Variants in GPD2 observed in about 807,000 individuals in gnomAD.
GPD2 encodes glycerol-3-phosphate dehydrogenase 2.
A neutral mutation model predicts 82.4 loss-of-function variants in GPD2; 54 were observed. The ratio of observed to expected loss-of-function variants is 0.66; its 90% confidence interval spans 0.53 to 0.82. The LOEUF (loss-of-function observed/expected upper bound fraction) is 0.82, where lower values mean the gene tolerates loss of function less well. Among genes scored for constraint, GPD2 ranks in the 40% least tolerant of loss-of-function variants. The probability of loss-of-function intolerance (pLI) is 0.00; values close to 1 mark genes in which losing one functional copy is unlikely to be tolerated. For synonymous variants in GPD2, 288 were observed against 306.1 expected, an observed-to-expected ratio of 0.94 and a Z score of 0.62; for missense variants, 748 against 896.2, an observed-to-expected ratio of 0.83 and a Z score of 2.11.
At chr2:156,556,590 T>A (rs1686969031) in intron 8 of GPD2, among the ~76,000 whole-genome samples, 1 of 152,328 alleles carries the variant, frequency 6.6e-6, no homozygotes, top group East Asian at 1.9e-4. Flanking sequence ...GACTATCGTT[T>A]TGGGAGATTT....
At chr2:156,497,193 T>A (rs1684417401) in intron 3 of GPD2, among the ~76,000 whole-genome samples, 1 of 152,202 alleles carries the variant, frequency 6.6e-6, no homozygotes, top group Non-Finnish European at 1.5e-5. Context: ...AGCACTTAAT[T>A]TGTCTAAGGT....
At chr2:156,544,998 G>A (rs1049239371) in intron 6 of GPD2, among the ~76,000 whole-genome samples, 11 of 152,196 alleles carry the variant, frequency 7.2e-5, no homozygotes, top group African/African-American at 2.7e-4. Flanking sequence ...ACCATGAAGA[G>A]TGGGTTCTTA....
intron 9 of GPD2, among the ~76,000 whole-genome samples, chr2:156,561,117 G>A (rs750222629): frequency 1.6e-5 from 2 of 127,790 alleles, no homozygotes; most frequent in South Asian, 2.5e-4. Flanking sequence ...GTGTGATCTC[G>A]GCTCACTGCA....
intron 9 of GPD2, among the ~76,000 whole-genome samples, chr2:156,560,211 G>A (rs757473121): frequency 1.3e-5 from 2 of 152,176 alleles, no homozygotes; most frequent in African/African-American, 4.8e-5. Flanking sequence ...TGTGGGTGGG[G>A]ATCTCTACCC....
chr2:156,524,279 A>G (rs1685526345), intron 6 of GPD2, among the ~76,000 whole-genome samples: 1 of 152,110 alleles, frequency 6.6e-6, no homozygotes, highest in Admixed American at 6.5e-5. Flanking sequence ...TGTCTCATTA[A>G]TCTGTTGCTG....
At chr2:156,443,256 T>C (rs1682239975) in intron 1 of GPD2, among the ~76,000 whole-genome samples, 2 of 152,242 alleles carry the variant, frequency 1.3e-5, no homozygotes, top group Admixed American at 6.5e-5. Context: ...AATTCCCTTA[T>C]AGATGCTTGT....
intron 1 of GPD2, among the ~76,000 whole-genome samples, chr2:156,444,035 T>C (rs1212380353): frequency 2.0e-5 from 3 of 152,212 alleles, no homozygotes; most frequent in East Asian, 3.9e-4. Context: ...CTTTGGTCAC[T>C]GTCTGGACCT....
chr2:156,536,700 C>G (rs1269567034), intron 6 of GPD2, among the ~76,000 whole-genome samples: 1 of 152,228 alleles, frequency 6.6e-6, no homozygotes, highest in Admixed American at 6.5e-5. Flanking sequence ...GGCTCAAGAT[C>G]TAGCCTGTCT....
chr2:156,581,917 A>C (rs766238808), intron 16 of GPD2, among the ~76,000 whole-genome samples: 4 of 152,038 alleles, frequency 2.6e-5, no homozygotes, highest in Non-Finnish European at 4.4e-5. Context: ...GAGAATTTAC[A>C]TACATACATA....
intron 2 of GPD2, among the ~76,000 whole-genome samples, chr2:156,488,436 G>A (rs368645976): frequency 1.3e-5 from 2 of 152,088 alleles, no homozygotes; most frequent in East Asian, 1.9e-4. Context: ...AGAGAGTGAC[G>A]GTTGCAGTCT....
intron 1 of GPD2, among the ~76,000 whole-genome samples, chr2:156,444,259 T>A (rs1682277090): frequency 6.6e-6 from 1 of 152,198 alleles, no homozygotes; most frequent in Non-Finnish European, 1.5e-5. Flanking sequence ...AGCATTCACA[T>A]CTAGAGGCTG....
chr2:156,558,358 G>A lies in GPD2; in HGVS notation c.1165+776G>A, dbSNP rs1687040315. Among the ~76,000 whole-genome samples, 4 of 152,186 alleles carry A rather than the reference G, an allele frequency of 2.6e-5. No individual in the cohort carries two copies. The South Asian group carries it at 6.2e-4, about 24-fold the overall frequency. ...TTCTGAATACCAGGCAGGTCCATCA[G>A]CCACTTCATTGCCCTGGTTCACATC... On this transcript the variant is annotated intron_variant, in intron 9 of 16. Coordinates refer to ENST00000438166, the MANE Select transcript of GPD2 (RefSeq NM_000408.5).
intron 1 of GPD2, among the ~76,000 whole-genome samples, chr2:156,438,484 G>A (rs746124935): frequency 7.9e-5 from 12 of 152,200 alleles, no homozygotes; most frequent in African/African-American, 1.4e-4. Flanking sequence ...CATTTTTTTC[G>A]GTTAGTTGAG....
chr2:156,550,369 C>T (rs2105335070), intron 7 of GPD2, among the ~76,000 whole-genome samples: 1 of 152,280 alleles, frequency 6.6e-6, no homozygotes, highest in East Asian at 1.9e-4. Context: ...CGACAGAATC[C>T]ATAATGAGAA....
intron 6 of GPD2, among the ~76,000 whole-genome samples, chr2:156,535,535 C>G (rs1558948422): frequency 6.6e-6 from 1 of 151,802 alleles, no homozygotes; most frequent in Non-Finnish European, 1.5e-5. Context: ...TCTTGGACAA[C>G]TCCAGCATCT....
intron 2 of GPD2, among the ~76,000 whole-genome samples, chr2:156,482,848 G>C (rs1287465532): frequency 6.6e-6 from 1 of 152,172 alleles, no homozygotes; most frequent in Non-Finnish European, 1.5e-5. Flanking sequence ...TGTTAGGTGA[G>C]TTGAAATACA....
chr2:156,572,065 A>G (rs564086551), intron 13 of GPD2, among the ~76,000 whole-genome samples: 33 of 152,150 alleles, frequency 2.2e-4, no homozygotes, highest in Non-Finnish European at 4.3e-4. Flanking sequence ...TACTTGGCCA[A>G]TTAGCAGCAT....
At position 156,522,105 on chromosome 2, in the gene GPD2, G is replaced by A. The variant is rs117800857; in HGVS notation, c.661+8609G>A. On this transcript the variant is annotated intron_variant, in intron 6 of 16. Transcript: ENST00000438166. ...CTTCAAAGGAAACCTTGAATAAATA[G>A]GACACACTGTGTCCACCCAGGCTAA... Among the ~76,000 whole-genome samples the A allele has an allele frequency of 3.9e-4, 59 of 152,026 alleles. No homozygotes were observed. In the East Asian group the frequency reaches 6.7e-3, roughly 17 times the overall value.
chr2:156,539,874 G>A (rs1297586006), intron 6 of GPD2, among the ~76,000 whole-genome samples: 2 of 152,168 alleles, frequency 1.3e-5, no homozygotes, highest in African/African-American at 4.8e-5. Flanking sequence ...CGATTCTTGA[G>A]TTTTCAGTTG....
Sources: allele counts gnomAD v4.1 joint callset (sites outside exome capture counted in the v4.1 genomes callset), GRCh38; gene constraint gnomAD v4.1.1; transcripts MANE v1.5; gene names NCBI Gene and HGNC (gene_info 2026-07-23, HGNC 2026-07-21).